EYA2: variants seen among roughly 807,000 people sequenced by gnomAD.
EYA2 encodes protein phosphatase EYA2.
A neutral mutation model predicts 69.2 loss-of-function variants in EYA2; 31 were observed. The ratio of observed to expected loss-of-function variants is 0.45; its 90% CI spans 0.34 to 0.60. The LOEUF (loss-of-function observed/expected upper bound fraction) is 0.60, where lower values mean the gene tolerates loss of function less well. Ranked by LOEUF, EYA2 falls within the 20% of genes least tolerant of loss-of-function variation. The pLI, the probability that EYA2 is intolerant of heterozygous loss-of-function variation, is 0.02. For synonymous variants in EYA2, 257 were observed against 279.4 expected (o/e 0.92, Z 0.80); for missense variants, 622 against 701.2 (o/e 0.89, Z 1.28).
At chr20:46,957,578 C>CACACAA (rs576647103) in intron 1 of EYA2, among the ~76,000 whole-genome samples, 818 of 66,636 alleles carry the variant, frequency 0.012, 26 homozygotes, top group African/African-American at 0.029. Flanking sequence ...CACACACACA[C>CACACAA]GAAGACAATG....
rs192433961 is a variant in EYA2, at chr20:46,954,403, G to A, written c.-10-35598G>A. 2.4e-3 allele frequency among the ~76,000 whole-genome samples: 368 copies of A among 152,252 alleles called. 2 individuals are homozygous for A. Among genetic ancestry groups the A allele is most frequent in the Non-Finnish European group, 3.6e-3 (242 of 68,028 alleles). On this transcript the variant is annotated intron_variant, in intron 1 of 15. Transcript: ENST00000327619. ...GGGGGCAAATAAGAAAAATAAAATC[G>A]GTAAATTTAGGAGCTTACAGTAAAG...
intron 4 of EYA2, among the ~76,000 whole-genome samples, chr20:47,012,764 G>A (rs566140359): frequency 1.3e-5 from 2 of 152,300 alleles, no homozygotes; most frequent in Admixed American, 6.5e-5. Context: ...AAAGTGCTGG[G>A]ATTACAGGCG....
At chr20:47,032,406 T>G (rs1984468856) in intron 5 of EYA2, among the ~76,000 whole-genome samples, 1 of 152,220 alleles carries the variant, frequency 6.6e-6, no homozygotes, top group African/African-American at 2.4e-5. Flanking sequence ...TTTCATACAT[T>G]TATTTTAAAC....
chr20:47,180,120 C>T (rs189438445), intron 13 of EYA2, among the ~76,000 whole-genome samples: 23 of 152,226 alleles, frequency 1.5e-4, no homozygotes, highest in African/African-American at 5.5e-4. Flanking sequence ...ACAACCTCTC[C>T]CTCCCAGGTT....
At chr20:46,950,635 G>A (rs997526418) in intron 1 of EYA2, among the ~76,000 whole-genome samples, 6 of 152,342 alleles carry the variant, frequency 3.9e-5, no homozygotes, top group East Asian at 1.9e-4. Flanking sequence ...GGCGGAGGTC[G>A]TACTCAAATT....
At chr20:47,132,631 G>C (rs548121021) in intron 9 of EYA2, among the ~76,000 whole-genome samples, 6 of 152,218 alleles carry the variant, frequency 3.9e-5, no homozygotes, top group Admixed American at 6.5e-5. Context: ...CCTGGGTCCT[G>C]CCAACTCCAT....
chr20:47,021,810 A>G (rs947499384), intron 5 of EYA2, among the ~76,000 whole-genome samples: 1 of 151,982 alleles, frequency 6.6e-6, no homozygotes, highest in Non-Finnish European at 1.5e-5. Context: ...CAGTAAAAGC[A>G]CTTGTTACTC....
intron 4 of EYA2, among the ~76,000 whole-genome samples, chr20:47,014,089 A>G (rs1983253111): frequency 6.6e-6 from 1 of 152,132 alleles, no homozygotes; most frequent in Non-Finnish European, 1.5e-5. Context: ...GTGTTCTTTA[A>G]TTACTTCATT....
intron 7 of EYA2, among the ~76,000 whole-genome samples, chr20:47,083,893 A>G (rs1426094548): frequency 6.6e-6 from 1 of 152,234 alleles, no homozygotes; most frequent in Admixed American, 6.5e-5. Context: ...GCATGTGTTT[A>G]TATAGAATAT....
chr20:47,005,121 T>G (rs1416417890), intron 4 of EYA2, 37 bp downstream of exon 4: 9 of 1,604,518 alleles, frequency 5.6e-6, no homozygotes, highest in Non-Finnish European at 7.7e-6. Flanking sequence ...CCTCCTCAGG[T>G]CCCCAAATCA....
At chr20:47,182,583 C>T (rs752068237) in intron 14 of EYA2, among the ~76,000 whole-genome samples, 1 of 141,034 alleles carries the variant, frequency 7.1e-6, no homozygotes, top group South Asian at 2.2e-4. Context: ...GAGCCGAGAC[C>T]AGGCCATTGC....
intron 1 of EYA2, among the ~76,000 whole-genome samples, chr20:46,910,130 A>G (rs1173871732): frequency 6.6e-6 from 1 of 152,168 alleles, no homozygotes; most frequent in Non-Finnish European, 1.5e-5. Flanking sequence ...TAATTTGCAA[A>G]GAAAAGAGTT....
At chr20:47,118,372 C>A (rs1285981135) in intron 9 of EYA2, among the ~76,000 whole-genome samples, 2 of 151,966 alleles carry the variant, frequency 1.3e-5, no homozygotes, top group Non-Finnish European at 2.9e-5. Context: ...AGAGTGACCT[C>A]ACTAGTCACT....
At chr20:47,036,929 G>C (rs942254221) in intron 5 of EYA2, among the ~76,000 whole-genome samples, 1 of 152,206 alleles carries the variant, frequency 6.6e-6, no homozygotes, top group Non-Finnish European at 1.5e-5. Context: ...GGGTGTATTA[G>C]TTTGTTTTCA....
chr20:47,160,491 C>CG (rs1427988591), intron 10 of EYA2, among the ~76,000 whole-genome samples: 1 of 151,634 alleles, frequency 6.6e-6, no homozygotes, highest in South Asian at 2.1e-4. Flanking sequence ...CACGGTGGGG[C>CG]GGGGGGCGGT....
chr20:47,139,906 C>T (rs761532772), intron 9 of EYA2, among the ~76,000 whole-genome samples: 22 of 152,336 alleles, frequency 1.4e-4, no homozygotes, highest in Admixed American at 5.2e-4. Context: ...ATCAGTCAAT[C>T]ATAACTTGAG....
At chr20:47,105,135 T>C (rs1973495666) in intron 9 of EYA2, among the ~76,000 whole-genome samples, 1 of 152,254 alleles carries the variant, frequency 6.6e-6, no homozygotes, top group South Asian at 2.1e-4. Context: ...TCTTGATTAC[T>C]GTAGCTTTGT....
intron 5 of EYA2, among the ~76,000 whole-genome samples, chr20:47,051,967 T>G (rs900557113): frequency 2.6e-5 from 4 of 152,238 alleles, no homozygotes; most frequent in Admixed American, 6.5e-5. Context: ...TCATTCACTT[T>G]TTTCATTCAA....
intron 3 of EYA2, 135 bp from the exon 4 acceptor site, chr20:47,004,807 T>G: frequency 2.6e-6 from 3 of 1,171,448 alleles, no homozygotes; most frequent in Non-Finnish European, 3.8e-6. Context: ...TAAAATGGGA[T>G]TTGGTGAACA....
Sources: allele counts gnomAD v4.1 joint callset (sites outside exome capture counted in the v4.1 genomes callset), GRCh38; gene constraint gnomAD v4.1.1; transcripts MANE v1.5; gene names NCBI Gene and HGNC (gene_info 2026-07-23, HGNC 2026-07-21).